ADAMTS3: variants seen among roughly 807,000 people sequenced by gnomAD.
ADAMTS3 encodes the protein A disintegrin and metalloproteinase with thrombospondin motifs 3.
Under a neutral mutation model 129.0 loss-of-function variants are expected in ADAMTS3, and 73 were observed. The ratio of observed to expected loss-of-function variants is 0.57; its 90% CI spans 0.47 to 0.69. The LOEUF is 0.69. ADAMTS3 is among the 30% of genes least tolerant of loss of function. The probability of loss-of-function intolerance (pLI) is 0.00; values close to 1 mark genes in which losing one functional copy is unlikely to be tolerated. For missense variants in ADAMTS3, 1,457 were observed against 1,514.5 expected, an observed-to-expected ratio of 0.96 and a Z score of 0.63; for synonymous variants, 477 against 510.8, an observed-to-expected ratio of 0.93 and a Z score of 0.89.
chr4:72,457,679 G>A (rs1718660612), intron 3 of ADAMTS3, among the ~76,000 whole-genome samples: 1 of 151,624 alleles, frequency 6.6e-6, no homozygotes, highest in African/African-American at 2.4e-5. Flanking sequence ...TTGTAAAAAT[G>A]AAACAGCTAA....
chr4:72,499,880 C>T lies in ADAMTS3; in HGVS notation c.504+48598G>A, dbSNP rs145936746. ...TTATAAGTAAGAACATGAGGTATTT[C>T]GTTTTCTGTTCCTGTGTTAATTTGT... On this transcript the variant is annotated intron_variant, in intron 3 of 21. Transcript: ENST00000286657. 7.3e-3 allele frequency among the ~76,000 whole-genome samples: 1,107 copies of T among 152,126 alleles called. 10 individuals carry two copies. The highest frequency in any genetic ancestry group is 0.013 in the South Asian group (63 of 4,824).
rs191714313 is a variant in ADAMTS3, at chr4:72,353,675, T to A, written c.662-13982A>T. On this transcript the variant is annotated intron_variant, in intron 4 of 21. Transcript: ENST00000286657. ...CCAAGCCTAGAGGCTGTATTTTCAA[T>A]CCTTCCAAAGATTTAATGTACACTT... 2.3e-3 allele frequency among the ~76,000 whole-genome samples: 349 copies of A among 152,152 alleles called. 1 individual carries two copies. Among genetic ancestry groups the A allele is most frequent in the Admixed American group, 3.5e-3 (54 of 15,268 alleles).
chr4:72,316,773 G>A (rs1419701622), intron 10 of ADAMTS3, among the ~76,000 whole-genome samples: 1 of 151,902 alleles, frequency 6.6e-6, no homozygotes, highest in Admixed American at 6.6e-5. Context: ...AACTTTCTGT[G>A]TAAGATAAAG....
intron 3 of ADAMTS3, among the ~76,000 whole-genome samples, chr4:72,509,360 C>G (rs1024326932): frequency 4.0e-5 from 6 of 151,228 alleles, no homozygotes; most frequent in Non-Finnish European, 1.5e-5. Flanking sequence ...AAAAGTCAAA[C>G]AAAATGAATG....
intron 3 of ADAMTS3, among the ~76,000 whole-genome samples, chr4:72,507,967 T>C (rs1445841686): frequency 6.6e-6 from 1 of 152,222 alleles, no homozygotes; most frequent in Non-Finnish European, 1.5e-5. Context: ...ATGCCTCTAT[T>C]AACATCAAGT....
At chr4:72,469,623 G>C (rs534500839) in intron 3 of ADAMTS3, among the ~76,000 whole-genome samples, 7 of 152,116 alleles carry the variant, frequency 4.6e-5, no homozygotes, top group African/African-American at 1.7e-4. Flanking sequence ...GGTGACTCTT[G>C]AACAACACAG....
intron 3 of ADAMTS3, among the ~76,000 whole-genome samples, chr4:72,449,418 G>A (rs544473971): frequency 3.1e-4 from 47 of 151,630 alleles, no homozygotes; most frequent in Admixed American, 2.9e-3. Flanking sequence ...TCAAATCCAG[G>A]CATTATCATT....
At chr4:72,332,731 G>A (rs1013347795) in intron 5 of ADAMTS3, among the ~76,000 whole-genome samples, 2 of 152,110 alleles carry the variant, frequency 1.3e-5, no homozygotes, top group Non-Finnish European at 2.9e-5. Flanking sequence ...TACATTGAAC[G>A]AAAACAACCT....
chr4:72,461,207 A>G lies in ADAMTS3; in HGVS notation c.505-46236T>C, dbSNP rs199850090. On this transcript the variant is annotated intron_variant, in intron 3 of 21. Transcript: ENST00000286657. ...CAAAATAGATACATCTTTAGGGTAA[A>G]TACTAGTATATAAAAATATGAAATA... Among the ~76,000 whole-genome samples, 28 of 151,854 alleles carry G rather than the reference A, an allele frequency of 1.8e-4. No homozygotes were observed. In the East Asian group the frequency reaches 5.2e-3, roughly 28 times the overall value.
At chr4:72,527,567 T>C (rs538975934) in intron 3 of ADAMTS3, among the ~76,000 whole-genome samples, 2 of 152,290 alleles carry the variant, frequency 1.3e-5, no homozygotes, top group East Asian at 1.9e-4. Flanking sequence ...CATCTATTTA[T>C]ATACTCCCAA....
chr4:72,518,327 G>A (rs1720554330), intron 3 of ADAMTS3, among the ~76,000 whole-genome samples: 1 of 152,192 alleles, frequency 6.6e-6, no homozygotes, highest in Admixed American at 6.5e-5. Flanking sequence ...ATATGGGGTG[G>A]AGAGTTCTGT....
intron 3 of ADAMTS3, among the ~76,000 whole-genome samples, chr4:72,514,126 G>A (rs1720390183): frequency 6.6e-6 from 1 of 151,698 alleles, no homozygotes; most frequent in Non-Finnish European, 1.5e-5. Context: ...AATTTAATTG[G>A]TGTAACAGTT....
chr4:72,292,799 C>G (rs1234742180), intron 19 of ADAMTS3, among the ~76,000 whole-genome samples: 2 of 152,116 alleles, frequency 1.3e-5, no homozygotes, highest in South Asian at 2.1e-4. Context: ...CATGCTAAAA[C>G]CTTGGCAGTC....
intron 4 of ADAMTS3, among the ~76,000 whole-genome samples, chr4:72,379,872 T>C (rs768284261): frequency 1.7e-4 from 26 of 152,170 alleles, no homozygotes; most frequent in Non-Finnish European, 2.9e-4. Context: ...ATTACTACTA[T>C]GAAGACTTCC....
chr4:72,414,953 C>T lies in ADAMTS3; in HGVS notation c.523G>A (p.Asp175Asn). The stretch of plus-strand genomic sequence containing the variant: ...GGTTCAATGAAATACTCTTCATTAT[C>T]ACTTTTTATCATTCCAGCCTAGAGA... ...CDGLAGMIKS[D>N]NEEYFIEPLE... Residue 175 changes from aspartate to asparagine, a missense_variant, in exon 4 of 22, where the codon GAT becomes AAT. Asp to Asn is a conservative substitution (Grantham distance 23). Coordinates refer to ENST00000286657, the MANE Select transcript of ADAMTS3 (RefSeq NM_014243.3). 1.3e-6 allele frequency: 2 copies of T among 1,537,686 alleles called. No homozygotes were observed. The highest frequency in any genetic ancestry group is 1.7e-6 in the Non-Finnish European group (2 of 1,147,850).
At chr4:72,516,698 C>T (rs1449778298) in intron 3 of ADAMTS3, among the ~76,000 whole-genome samples, 1 of 152,258 alleles carries the variant, frequency 6.6e-6, no homozygotes, top group African/African-American at 2.4e-5. Context: ...TATCCTGACA[C>T]TTTGCTGAAG....
intron 4 of ADAMTS3, among the ~76,000 whole-genome samples, chr4:72,346,190 A>T (rs76217427): frequency 0.012 from 1,800 of 152,280 alleles, 24 homozygotes; most frequent in African/African-American, 0.041. Context: ...TCTTAGGAAC[A>T]GGTAAAAACC....
intron 4 of ADAMTS3, among the ~76,000 whole-genome samples, chr4:72,403,447 C>T (rs1721974809): frequency 1.0e-5 from 1 of 98,152 alleles, no homozygotes; most frequent in South Asian, 4.5e-4. Context: ...AACTCAATAT[C>T]TGCAGATATT....
In ADAMTS3 at chr4:72,290,909, C is replaced by A. The variant is rs946422392; in HGVS notation, c.2877G>T (p.Arg959=). The A allele has an allele frequency of 3.1e-6, 5 of 1,613,892 alleles. No individual in the cohort carries two copies. The highest frequency in any genetic ancestry group is 1.7e-5 in the Admixed American group (1 of 59,996). The change falls in exon 20 of 22, where the codon CGG becomes CGT. Residue 959 remains arginine, a synonymous_variant. Coordinates refer to ENST00000286657, the MANE Select transcript of ADAMTS3 (RefSeq NM_014243.3). The part of the protein sequence containing the change: ...YCMGDRPESR[R]PCNRVPCPAQ... ...CAGGGCAGGGCACTCTGTTACAGGG[C>A]CGGCGGCTCTCGGGACGGTCACCCA... is the stretch of plus-strand genomic sequence containing the variant.
Sources: allele counts gnomAD v4.1 joint callset (sites outside exome capture counted in the v4.1 genomes callset), GRCh38; gene constraint gnomAD v4.1.1; transcripts MANE v1.5; gene names NCBI Gene and HGNC (gene_info 2026-07-23, HGNC 2026-07-21).